SRD5A3: variants seen among roughly 807,000 people sequenced by gnomAD.
SRD5A3 encodes steroid 5 alpha-reductase 3.
A neutral mutation model predicts 34.3 loss-of-function variants in SRD5A3; 24 were observed. The ratio of observed to expected loss-of-function variants is 0.70; its 90% confidence interval spans 0.51 to 0.99. The LOEUF (loss-of-function observed/expected upper bound fraction) is 0.99, where lower values mean the gene tolerates loss of function less well. SRD5A3 is among the 50% of genes least tolerant of loss of function. The probability of loss-of-function intolerance (pLI) is 0.00; values close to 1 mark genes in which losing one functional copy is unlikely to be tolerated. For synonymous variants in SRD5A3, 161 were observed against 167.3 expected (o/e 0.96, Z 0.29); for missense variants, 350 against 388.2 (o/e 0.90, Z 0.83).
intron 3 of SRD5A3, 98 bp downstream of exon 3, chr4:55,364,369 T>A: frequency 7.4e-7 from 1 of 1,360,070 alleles, no homozygotes; most frequent in Non-Finnish European, 1.0e-6. Flanking sequence ...CATGCAGAAG[T>A]AAGAGACAGG....
At chr4:55,365,704 T>G (rs932521507) in intron 3 of SRD5A3, 1 of 152,244 alleles carries the variant, frequency 6.6e-6, no homozygotes, top group African/African-American at 2.4e-5. Context: ...AAAATAGCTT[T>G]CTAAGCACTC....
intron 3 of SRD5A3, chr4:55,364,662 G>A: frequency 3.7e-6 from 1 of 272,322 alleles, no homozygotes. Flanking sequence ...GTTGCAGTGA[G>A]CCGAGATCGC....
rs1719787731 is a variant in SRD5A3 at position 55,364,142 on chromosome 4, T to C, written c.433T>C (p.Phe145Leu). ...FLWLHSLRRL[F>L]ECLYVSVFSN... ...GTGGCTGCACAGCTTACGAAGACTC[T>C]TCGAGTGCCTCTACGTCAGTGTCTT... The change falls in exon 3 of 5, where the codon TTC (phenylalanine) becomes CTC (leucine). Residue 145 changes from phenylalanine (F) to leucine (L), a missense_variant. Phe to Leu is a conservative substitution (Grantham distance 22). Coordinates refer to ENST00000264228, the MANE Select transcript of SRD5A3 (RefSeq NM_024592.5). 6.2e-7 allele frequency: 1 copy of C among 1,614,210 alleles called. No homozygotes were observed. Among genetic ancestry groups the C allele is most frequent in the African/African-American group, 1.3e-5 (1 of 75,048 alleles).
chr4:55,367,827 C>T, intron 4 of SRD5A3, 105 bp downstream of exon 4: 3 of 1,450,648 alleles, frequency 2.1e-6, no homozygotes, highest in Non-Finnish European at 2.9e-6. Context: ...TTGACTGTAT[C>T]AAATATTGAT....
chr4:55,364,259 G>GATGGCAGGA lies in SRD5A3; in HGVS notation c.555_562+1dup. On this transcript the variant is annotated inframe_insertion, in exon 3 of 5. Transcript: ENST00000264228. ...AACTGTGCTGAGCCAAGTGCCAATGGATGGCAGGAATGGTGAGTGGATCCA... is the reference window on the plus strand; with the variant it reads ...AACTGTGCTGAGCCAAGTGCCAATGGATGGCAGGAATGGCAGGAATGGTGAGTGGATCCA... 6.2e-7 allele frequency: 1 copy of GATGGCAGGA among 1,614,114 alleles called. No individual in the cohort carries two copies.
intron 2 of SRD5A3, among the ~76,000 whole-genome samples, chr4:55,360,983 C>A (rs1376452624): frequency 1.3e-5 from 2 of 152,058 alleles, no homozygotes; most frequent in Non-Finnish European, 2.9e-5. Flanking sequence ...AGCCACCGCG[C>A]CCGGCCAGAA....
In SRD5A3 at chr4:55,369,919, T is replaced by A; in HGVS notation, c.785T>A (p.Ile262Asn). Residue 262 changes from isoleucine to asparagine, a missense_variant, in exon 5 of 5, where the codon ATC (isoleucine) becomes AAC (asparagine). By Grantham distance (149) the Ile-to-Asn change is moderately radical (BLOSUM62 -3). Around this residue, in one of 3 missense-constraint regions of SRD5A3, gnomAD observed 186 missense variants for 221.4 expected, o/e 0.84. Transcript: ENST00000264228. ...SSPNYLAELM[I>N]YVSMAVTFGF... Reference sequence around the variant, plus strand: ...CCTAACTACTTAGCAGAGCTGATGATCTACGTTTCCATGGCCGTCACCTTT... The same window carrying A: ...CCTAACTACTTAGCAGAGCTGATGAACTACGTTTCCATGGCCGTCACCTTT... The A allele has an allele frequency of 1.2e-6, 2 of 1,614,200 alleles. No individual in the cohort carries two copies. The highest frequency in any genetic ancestry group is 1.7e-6 in the Non-Finnish European group (2 of 1,180,040).
intron 1 of SRD5A3, among the ~76,000 whole-genome samples, chr4:55,355,319 G>A (rs553673490): frequency 9.7e-4 from 147 of 152,182 alleles, no homozygotes; most frequent in Non-Finnish European, 1.7e-3. Flanking sequence ...TTAGCTGGGC[G>A]TGGTGGCGGG....
intron 3 of SRD5A3, chr4:55,366,760 GTTTC>G (rs1176292907): frequency 2.6e-5 from 4 of 152,224 alleles, no homozygotes; most frequent in African/African-American, 9.6e-5. Flanking sequence ...GGATACATTT[GTTTC>G]TTCAGTCAAG....
chr4:55,358,749 T>TA (rs1482351214), intron 1 of SRD5A3, among the ~76,000 whole-genome samples: 1 of 152,172 alleles, frequency 6.6e-6, no homozygotes, highest in Non-Finnish European at 1.5e-5. Flanking sequence ...GTCTGAGAAT[T>TA]ATAACCATAA....
At chr4:55,346,694 C>A in intron 1 of SRD5A3, 137 bp downstream of exon 1, 2 of 786,768 alleles carry the variant, frequency 2.5e-6, no homozygotes, top group Non-Finnish European at 3.7e-6. Context: ...GGGCGCAGCA[C>A]GGCGCTCCCT....
At chr4:55,357,554 C>G (rs1038038215) in intron 1 of SRD5A3, among the ~76,000 whole-genome samples, 1 of 150,480 alleles carries the variant, frequency 6.6e-6, no homozygotes, top group African/African-American at 2.4e-5. Flanking sequence ...GATGCATGAA[C>G]TTCTGTGAAA....
chr4:55,346,576 C>A lies in SRD5A3; in HGVS notation c.221+19C>A. The stretch of plus-strand genomic sequence containing the variant: ...CCAAGAGGTAACCGCGCCCCGGTCC[C>A]GAGCCGCGGTGGTCAAGGCGCTGAG... On this transcript the variant is annotated intron_variant, in intron 1 of 4. Coordinates refer to ENST00000264228, the MANE Select transcript of SRD5A3 (RefSeq NM_024592.5). 6.4e-7 allele frequency: 1 copy of A among 1,561,198 alleles called. No individual in the cohort carries two copies. Among genetic ancestry groups the A allele is most frequent in the Non-Finnish European group, 8.7e-7 (1 of 1,154,694 alleles).
chr4:55,367,768 AAGTT>A (rs1719960522), intron 4 of SRD5A3, 46 bp downstream of exon 4: 1 of 1,612,324 alleles, frequency 6.2e-7, no homozygotes, highest in Non-Finnish European at 8.5e-7. Context: ...TAACCCTCAG[AAGTT>A]AGTTCTCCAT....
At chr4:55,347,065 A>T (rs1215075219) in intron 1 of SRD5A3, among the ~76,000 whole-genome samples, 1 of 152,232 alleles carries the variant, frequency 6.6e-6, no homozygotes, top group African/African-American at 2.4e-5. Flanking sequence ...CAGTGGGGAC[A>T]AAGGACTGAG....
At chr4:55,355,428 A>C (rs1249643603) in intron 1 of SRD5A3, among the ~76,000 whole-genome samples, 1 of 151,808 alleles carries the variant, frequency 6.6e-6, no homozygotes, top group Admixed American at 6.6e-5. Context: ...ACTGCACTCC[A>C]GCCTGGGCAA....
In SRD5A3 at chr4:55,359,382, G is replaced by C. The variant is rs757095112; in HGVS notation, c.258G>C (p.Trp86Cys). The C allele has an allele frequency of 1.9e-6, 3 of 1,613,928 alleles. No homozygotes were observed. In the South Asian group the frequency reaches 3.3e-5, roughly 18 times the overall value. Reference sequence around the variant, plus strand: ...ACTTTTATATCATCTCAGTGCTGTGGAATGGCTTCCTGCTTTGGTGCCTTA... The same window carrying C: ...ACTTTTATATCATCTCAGTGCTGTGCAATGGCTTCCTGCTTTGGTGCCTTA... ...FSHFYIISVL[W>C]NGFLLWCLTQ... The change falls in exon 2 of 5, where the codon TGG becomes TGC. Residue 86 changes from tryptophan (W) to cysteine (C), a missense_variant. Physicochemically the swap from Trp to Cys is radical, Grantham distance 215. This residue lies in a region of SRD5A3 where 159 missense variants were observed against 149.1 expected (regional missense o/e 1.07). Transcript: ENST00000264228.
chr4:55,367,643 G>C lies in SRD5A3; in HGVS notation c.618G>C (p.Gly206=), dbSNP rs1390034427. The C allele has an allele frequency of 8.1e-6, 13 of 1,613,966 alleles. No homozygotes were observed. The highest frequency in any genetic ancestry group is 1.1e-5 in the Non-Finnish European group (13 of 1,180,002). ...AAGCACGGTGGTTCCATATTCTTGG[G>C]ATGATGATGTTCATCTGGTCATCTG... ...LMQARWFHIL[G]MMMFIWSSAH... is the part of the protein sequence containing the mutation. The change falls in exon 4 of 5, where the codon GGG becomes GGC. Residue 206 remains glycine, a synonymous_variant. Transcript: ENST00000264228.
Position 55,346,831 on chromosome 4 carries a change from C to T in SRD5A3, c.221+274C>T, listed in dbSNP as rs141049911. On this transcript the variant is annotated intron_variant, in intron 1 of 4. Coordinates refer to ENST00000264228, the MANE Select transcript of SRD5A3 (RefSeq NM_024592.5). ...GGAGGAATGTGAACTGGTAGCCGCACGGAGCCTTTCCCTGTGGGAAATGGC... is the reference window on the plus strand; with the variant it reads ...GGAGGAATGTGAACTGGTAGCCGCATGGAGCCTTTCCCTGTGGGAAATGGC... Among the ~76,000 whole-genome samples, 768 of 152,346 alleles carry T rather than the reference C, an allele frequency of 5.0e-3. 9 individuals carry two copies. The highest frequency in any genetic ancestry group is 0.017 in the African/African-American group (725 of 41,590).
Sources: gnomAD v4.1 joint callset for allele counts (sites outside exome capture counted in the v4.1 genomes callset) on GRCh38, gnomAD v4.1.1 for gene constraint, gnomAD v4.1.1 regional missense constraint, MANE v1.5 for transcripts, NCBI Gene and HGNC (gene_info 2026-07-23, HGNC 2026-07-21) for gene names.